Variants in DNM1L observed in about 807,000 individuals in gnomAD.
DNM1L encodes the protein dynamin-1-like protein.
A neutral mutation model predicts 92.8 loss-of-function variants in DNM1L; 33 were observed. The observed-to-expected ratio is 0.36, with a 90% CI of 0.27 to 0.48. The LOEUF (loss-of-function observed/expected upper bound fraction) is 0.48. DNM1L is among the 20% of genes least tolerant of loss of function. The pLI is 0.99. For missense variants in DNM1L, 485 were observed against 888.8 expected (o/e 0.55, Z 5.78); for synonymous variants, 284 against 305.0 (o/e 0.93, Z 0.72).
At chr12:32,740,751 T>A (rs1412812124) in intron 18 of DNM1L, among the ~76,000 whole-genome samples, 1 of 152,246 alleles carries the variant, frequency 6.6e-6, no homozygotes, top group Non-Finnish European at 1.5e-5. Context: ...TCTTTTGTTC[T>A]ATCTGGCTGC....
At chr12:32,735,533 C>T (rs1277989996) in intron 13 of DNM1L, among the ~76,000 whole-genome samples, 1 of 152,014 alleles carries the variant, frequency 6.6e-6, no homozygotes, top group Non-Finnish European at 1.5e-5. Flanking sequence ...AATACCCGCC[C>T]ATGAAAAAAT....
In DNM1L at chr12:32,731,727, G is replaced by A. The variant is rs1954565255; in HGVS notation, c.1357-127G>A. The A allele has an allele frequency of 1.0e-6, 1 of 978,828 alleles. No homozygotes were observed. Among genetic ancestry groups the A allele is most frequent in the South Asian group, 1.4e-5 (1 of 70,284 alleles). The allele number at this position is 978,828 out of a possible 1,614,324, so 60.6% of individuals were successfully genotyped here. ...AGTAAAAGAAAATGACTGTTAGCCT[G>A]GCATGGTGGCTTCTACATGTAGTCT... On this transcript the variant is annotated intron_variant, in intron 11 of 19. Transcript: ENST00000549701. This position sits in a 1 kb window ranked among gnomAD's most constrained non-coding sequence, Gnocchi z 5.1.
intron 9 of DNM1L, among the ~76,000 whole-genome samples, chr12:32,730,515 T>C (rs1182519291): frequency 6.6e-6 from 1 of 152,258 alleles, no homozygotes; most frequent in Non-Finnish European, 1.5e-5. Context: ...CAAGCCTGGC[T>C]AACAAGCTAT....
At position 32,731,457 on chromosome 12, in the gene DNM1L, G is replaced by C. The variant is rs1057520763; in HGVS notation, c.1302G>C (p.Leu434=). ...AGCCCAGCCTCCGCTGTGTGGAACTGGTTCATGAGGAAATGCAAAGGATCA... is the reference window on the plus strand; with the variant it reads ...AGCCCAGCCTCCGCTGTGTGGAACTCGTTCATGAGGAAATGCAAAGGATCA... ...LEEPSLRCVE[L]VHEEMQRIIQ... The change falls in exon 11 of 20, where the codon CTG becomes CTC. Residue 434 remains leucine (L), a synonymous_variant. Coordinates refer to ENST00000549701, the MANE Select transcript of DNM1L (RefSeq NM_012062.5). The surrounding 1 kb of genome is among the most constrained non-coding windows in gnomAD (Gnocchi z 5.1). 1 of 1,614,132 alleles carries C rather than the reference G, an allele frequency of 6.2e-7. No individual in the cohort carries two copies.
intron 9 of DNM1L, among the ~76,000 whole-genome samples, chr12:32,729,992 T>TA (rs1233104651): frequency 6.6e-6 from 1 of 152,088 alleles, no homozygotes; most frequent in African/African-American, 2.4e-5. Flanking sequence ...GACTTGAATT[T>TA]AAAAAAAGAT....
In DNM1L at chr12:32,744,885, T is replaced by G. The variant is rs1338236283; in HGVS notation, c.*1475T>G. 2.0e-6 allele frequency: 1 copy of G among 507,026 alleles called. No homozygotes were observed. Among genetic ancestry groups the G allele is most frequent in the Non-Finnish European group, 3.9e-6 (1 of 255,232 alleles). The allele number at this position is 507,026 out of a possible 1,614,324, so 31.4% of individuals were successfully genotyped here. On this transcript the variant is annotated 3_prime_UTR_variant, in exon 20 of 20. Coordinates refer to ENST00000549701, the MANE Select transcript of DNM1L (RefSeq NM_012062.5). ...TATATTATAAATTTTAAGATGTACT[T>G]AGAAATCCTTAAGACATCTAGCCCC...
intron 18 of DNM1L, among the ~76,000 whole-genome samples, chr12:32,741,284 C>A (rs1955268242): frequency 6.6e-6 from 1 of 152,176 alleles, no homozygotes; most frequent in African/African-American, 2.4e-5. Flanking sequence ...TTGCCCCCAT[C>A]CTCTGCAGAA....
intron 16 of DNM1L, among the ~76,000 whole-genome samples, chr12:32,739,081 C>G (rs553657047): frequency 5.2e-4 from 79 of 152,224 alleles, no homozygotes; most frequent in African/African-American, 1.8e-3. Context: ...TCTAATTACT[C>G]ATTTTTAAGT....
Position 32,742,802 on chromosome 12 carries a change from A to G in DNM1L, c.2154+54A>G, listed in dbSNP as rs920567978. On this transcript the variant is annotated intron_variant, in intron 19 of 19. Coordinates refer to ENST00000549701, the MANE Select transcript of DNM1L (RefSeq NM_012062.5). ...TTGGGTAGTAGATAGAAACATAGAA[A>G]TAGTTTTAAATGCAGTTTGATTCTT... is the stretch of plus-strand genomic sequence containing the variant. 14 of 1,601,660 alleles carry G rather than the reference A, an allele frequency of 8.7e-6. No homozygotes were observed. The Admixed American group carries it at 2.2e-4, about 25-fold the overall frequency.
At chr12:32,719,684 A>G (rs771507246) in intron 7 of DNM1L, among the ~76,000 whole-genome samples, 2 of 152,170 alleles carry the variant, frequency 1.3e-5, no homozygotes, top group African/African-American at 4.8e-5. Flanking sequence ...AGGTATCCTA[A>G]TTATAAATAG....
At chr12:32,679,557 C>G (rs1280796408) in intron 1 of DNM1L, 92 bp downstream of exon 1, 4 of 1,458,040 alleles carry the variant, frequency 2.7e-6, no homozygotes, top group Non-Finnish European at 3.7e-6. Flanking sequence ...CCAGCGCCCA[C>G]TCCCGCGCCA....
chr12:32,720,892 C>A, intron 8 of DNM1L, 97 bp downstream of exon 8: 1 of 1,479,658 alleles, frequency 6.8e-7, no homozygotes, highest in Non-Finnish European at 9.3e-7. Flanking sequence ...CATACTGTTC[C>A]TAACAGCTTC....
intron 1 of DNM1L, among the ~76,000 whole-genome samples, chr12:32,698,433 G>A (rs1275277020): frequency 6.6e-6 from 1 of 152,168 alleles, no homozygotes; most frequent in Non-Finnish European, 1.5e-5. Flanking sequence ...AGGCTTCGGG[G>A]TGATGAGAGC....
intron 1 of DNM1L, among the ~76,000 whole-genome samples, chr12:32,682,014 AC>A (rs1951825209): frequency 6.6e-6 from 1 of 152,114 alleles, no homozygotes; most frequent in African/African-American, 2.4e-5. Flanking sequence ...AAATTAAAAA[AC>A]AACTTCAAGT....
intron 6 of DNM1L, among the ~76,000 whole-genome samples, chr12:32,716,840 G>C (rs1953404017): frequency 6.8e-6 from 1 of 146,672 alleles, no homozygotes; most frequent in East Asian, 2.0e-4. Flanking sequence ...TGAAAATTAT[G>C]AATAAAGCTG....
chr12:32,729,373 G>A lies in DNM1L; in HGVS notation c.1080-1641G>A, dbSNP rs147399163. ...TGGGATTACAGGCATGAGCCACCGC[G>A]CCCAGCCGAAATTCTTATCTATTAA... On this transcript the variant is annotated intron_variant, in intron 9 of 19. Transcript: ENST00000549701. 9.4e-3 allele frequency among the ~76,000 whole-genome samples: 1,435 copies of A among 152,124 alleles called. 11 individuals are homozygous for A. Among genetic ancestry groups the A allele is most frequent in the Non-Finnish European group, 0.014 (927 of 67,994 alleles).
chr12:32,692,008 G>T (rs956383488), intron 1 of DNM1L, among the ~76,000 whole-genome samples: 3 of 123,816 alleles, frequency 2.4e-5, no homozygotes, highest in Non-Finnish European at 4.9e-5. Context: ...AATCAGACTG[G>T]CATTAGATTC....
intron 13 of DNM1L, among the ~76,000 whole-genome samples, chr12:32,736,106 C>T (rs1193806572): frequency 1.5e-5 from 2 of 131,100 alleles, no homozygotes; most frequent in African/African-American, 5.9e-5. Flanking sequence ...GAGTCTCACT[C>T]TGTCGCCCAG....
chr12:32,742,350 C>A (rs948681715), intron 18 of DNM1L, among the ~76,000 whole-genome samples: 1 of 152,120 alleles, frequency 6.6e-6, no homozygotes, highest in East Asian at 1.9e-4. Context: ...GCAGTCCACC[C>A]GCGTCAGCCT....
Sources: allele counts gnomAD v4.1 joint callset (sites outside exome capture counted in the v4.1 genomes callset), GRCh38; gene constraint gnomAD v4.1.1; non-coding constraint Gnocchi (gnomAD v3.1); transcripts MANE v1.5; gene names NCBI Gene and HGNC (gene_info 2026-07-23, HGNC 2026-07-21).